The following PRSS23 variants were observed in gnomAD, a reference collection of about 807,000 sequenced individuals.
PRSS23 encodes serine protease 23.
PRSS23 carries 25 observed loss-of-function variants against 34.7 expected under a neutral mutation model. The observed-to-expected ratio is 0.72, with a 90% CI of 0.53 to 1.01. PRSS23 has a LOEUF of 1.01. Ranked by LOEUF, PRSS23 falls within the 50% of genes least tolerant of loss-of-function variation. The probability of loss-of-function intolerance (pLI) is 0.00; values close to 1 mark genes in which losing one functional copy is unlikely to be tolerated. For synonymous variants in PRSS23, 176 were observed against 186.6 expected, an observed-to-expected ratio of 0.94 and a Z score of 0.46; for missense variants, 445 against 475.6, an observed-to-expected ratio of 0.94 and a Z score of 0.60.
At chr11:86,814,565 G>A (rs1039402788), downstream of PRSS23, among the ~76,000 whole-genome samples, 5 of 152,202 alleles carry the variant, frequency 3.3e-5, no homozygotes, top group Non-Finnish European at 4.4e-5. Flanking sequence ...TGGTGGGAAA[G>A]ACGGGGTGGA....
chr11:86,813,698 G>T (rs1296926137), downstream of PRSS23, among the ~76,000 whole-genome samples: 1 of 152,032 alleles, frequency 6.6e-6, no homozygotes, highest in African/African-American at 2.4e-5. Context: ...TATATTAACA[G>T]CCATAAAATA....
At position 86,808,841 on chromosome 11, in the gene PRSS23, T is replaced by C; in HGVS notation, c.*46T>C. On this transcript the variant is annotated 3_prime_UTR_variant, in exon 2 of 2. Transcript: ENST00000280258. ...GCAATTAAGGGTCTTCATGTTCTTATTTTAGGAGAGGCCAAATTGTTTTTT... is the reference window on the plus strand; with the variant it reads ...GCAATTAAGGGTCTTCATGTTCTTACTTTAGGAGAGGCCAAATTGTTTTTT... 1 of 1,521,760 alleles carries C rather than the reference T, an allele frequency of 6.6e-7. No homozygotes were observed. The highest frequency in any genetic ancestry group is 8.9e-7 in the Non-Finnish European group (1 of 1,125,494). The allele number at this position is 1,521,760 out of a possible 1,614,324, so 94.3% of individuals were successfully genotyped here.
chr11:86,817,134 CT>C (rs112216264), intron 1 of PRSS23, among the ~76,000 whole-genome samples: 21,399 of 151,918 alleles, frequency 0.14, 2,004 homozygotes, highest in East Asian at 0.42. Flanking sequence ...GCAAGAAAGC[CT>C]TTTTTTGTGA....
intron 2 of PRSS23, among the ~76,000 whole-genome samples, chr11:86,849,824 C>T (rs1004290947): frequency 2.6e-5 from 4 of 152,122 alleles, no homozygotes; most frequent in African/African-American, 9.7e-5. Context: ...CTTCTGCATT[C>T]CCCTGCACTC....
intron 2 of PRSS23, chr11:86,833,013 A>C (rs1349635526): frequency 3.7e-5 from 16 of 433,514 alleles, no homozygotes; most frequent in Admixed American, 6.9e-5. Context: ...AGAAAAAAAA[A>C]AACACAAAAC....
intron 1 of PRSS23, among the ~76,000 whole-genome samples, chr11:86,817,541 G>A (rs935068724): frequency 7.2e-5 from 11 of 152,184 alleles, no homozygotes; most frequent in Non-Finnish European, 1.0e-4. Context: ...AGCCTTGTCT[G>A]GTGGACCTGA....
Position 86,877,093 on chromosome 11 carries a change from G to A in PRSS23, c.206+53500G>A, listed in dbSNP as rs76218969. On this transcript the variant is annotated intron_variant, in intron 2 of 2. Coordinates refer to the PRSS23 transcript ENST00000533902. Reference sequence around the variant, plus strand: ...TGGCAACTGCAATCAAATCAAGATGGGTAATGTGCAGTATAAGTGTTTAGC... The same window carrying A: ...TGGCAACTGCAATCAAATCAAGATGAGTAATGTGCAGTATAAGTGTTTAGC... Among the ~76,000 whole-genome samples, 840 of 152,300 alleles carry A rather than the reference G, an allele frequency of 5.5e-3. 4 individuals are homozygous for A. Among genetic ancestry groups the A allele is most frequent in the Non-Finnish European group, 7.2e-3 (487 of 68,026 alleles).
intron 2 of PRSS23, among the ~76,000 whole-genome samples, chr11:86,879,575 C>A (rs1202327891): frequency 7.2e-6 from 1 of 139,102 alleles, no homozygotes; most frequent in South Asian, 2.4e-4. Context: ...CCCGGCCAGC[C>A]GCCCCGTCAG....
intron 2 of PRSS23, chr11:86,911,040 C>G (rs1185901223): frequency 1.3e-5 from 2 of 151,922 alleles, no homozygotes; most frequent in African/African-American, 4.8e-5. Flanking sequence ...TTTAGAAGTA[C>G]CAGAATCTCA....
chr11:86,829,818 C>T (rs187512621), intron 2 of PRSS23, among the ~76,000 whole-genome samples: 51 of 152,294 alleles, frequency 3.3e-4, no homozygotes, highest in Admixed American at 9.2e-4. Flanking sequence ...TCGTGAACCA[C>T]GAATGCTGCT....
chr11:86,879,516 C>T (rs1948754288), intron 2 of PRSS23, among the ~76,000 whole-genome samples: 1 of 131,248 alleles, frequency 7.6e-6, no homozygotes, highest in South Asian at 2.6e-4. Context: ...CAGCCCCCCA[C>T]CCGGCCAGCC....
intron 1 of PRSS23, chr11:86,821,781 T>C: frequency 1.9e-6 from 2 of 1,046,278 alleles, no homozygotes. Flanking sequence ...CCCAGCCCGT[T>C]CCGCCTCAGC....
At chr11:86,925,056 TG>T (rs1485439658) in intron 2 of PRSS23, 2 of 152,202 alleles carry the variant, frequency 1.3e-5, no homozygotes, top group Non-Finnish European at 2.9e-5. Context: ...CTTGGCCCTG[TG>T]GGGGTGAGCT....
intron 2 of PRSS23, among the ~76,000 whole-genome samples, chr11:86,849,282 A>G (rs748344737): frequency 1.3e-5 from 2 of 152,222 alleles, no homozygotes; most frequent in Non-Finnish European, 2.9e-5. Flanking sequence ...TCCAGCTGCA[A>G]TTGGGAGACT....
chr11:86,849,137 G>A (rs1948510773), intron 2 of PRSS23, among the ~76,000 whole-genome samples: 1 of 152,140 alleles, frequency 6.6e-6, no homozygotes, highest in Non-Finnish European at 1.5e-5. Flanking sequence ...ACCATTGAGG[G>A]CCAGGAAGTA....
At chr11:86,817,622 T>C (rs1027579739) in intron 1 of PRSS23, among the ~76,000 whole-genome samples, 1 of 152,228 alleles carries the variant, frequency 6.6e-6, no homozygotes, top group African/African-American at 2.4e-5. Flanking sequence ...CAGTTGACTT[T>C]TTATAGCCAG....
At chr11:86,899,425 G>A (rs934011153) in intron 2 of PRSS23, among the ~76,000 whole-genome samples, 9 of 152,046 alleles carry the variant, frequency 5.9e-5, no homozygotes, top group Non-Finnish European at 8.8e-5. Flanking sequence ...GGGCAGAGGC[G>A]AGAGGATCAC....
intron 1 of PRSS23, among the ~76,000 whole-genome samples, chr11:86,802,315 C>T (rs560377043): frequency 2.6e-5 from 4 of 152,310 alleles, no homozygotes; most frequent in Admixed American, 2.6e-4. Context: ...CATTTGACCA[C>T]AAGATTGTGT....
intron 2 of PRSS23, among the ~76,000 whole-genome samples, chr11:86,850,442 TC>T (rs1948520418): frequency 6.6e-6 from 1 of 152,200 alleles, no homozygotes; most frequent in African/African-American, 2.4e-5. Context: ...CAGCTGGGCT[TC>T]CTGGGTTGAG....
Sources: allele counts gnomAD v4.1 joint callset (sites outside exome capture counted in the v4.1 genomes callset), GRCh38; gene constraint gnomAD v4.1.1; transcripts MANE v1.5; gene names NCBI Gene and HGNC (gene_info 2026-07-23, HGNC 2026-07-21).